The following NKIRAS1 variants were observed in gnomAD, a reference collection of about 807,000 sequenced individuals.
The protein encoded by NKIRAS1 is NF-kappa-B inhibitor-interacting Ras-like protein 1.
In NKIRAS1, 16 loss-of-function variants were observed where a neutral mutation model predicts 19.8. The ratio of observed to expected loss-of-function variants is 0.81; its 90% CI spans 0.55 to 1.23. The LOEUF is 1.23. NKIRAS1 is among the 50% of genes most tolerant of loss of function. NKIRAS1 has a pLI of 0.00. For synonymous variants in NKIRAS1, 88 were observed against 79.0 expected (o/e 1.11, Z -0.61); for missense variants, 184 against 220.0 (o/e 0.84, Z 1.04).
chr3:23,908,345 A>G (rs1703276066), intron 3 of NKIRAS1, among the ~76,000 whole-genome samples: 1 of 152,236 alleles, frequency 6.6e-6, no homozygotes, highest in Non-Finnish European at 1.5e-5. Context: ...GTTAAGTTTT[A>G]GTGAAATACC....
chr3:23,892,459 G>A lies in NKIRAS1; in HGVS notation c.*636C>T, dbSNP rs550253711. 2 of 152,234 alleles carry A rather than the reference G, an allele frequency of 1.3e-5. No individual in the cohort carries two copies. Among genetic ancestry groups the A allele is most frequent in the South Asian group, 4.1e-4 (2 of 4,822 alleles). 9.4% of individuals were successfully genotyped at this position (152,234 alleles called of 1,614,324 possible). A position where few individuals can be genotyped will look rare whatever the true frequency, so the allele number is the denominator to read the frequency against. ...GGTCTATCAACAGGGGTCTGGCTAA[G>A]GAAAAAACGGCCTTAGAGCGTGATG... On this transcript the variant is annotated 3_prime_UTR_variant, in exon 5 of 5. Transcript: ENST00000425478.
At chr3:23,920,301 A>C (rs913822613), upstream of NKIRAS1, 1 of 985,684 alleles carries the variant, frequency 1.0e-6, no homozygotes, top group Non-Finnish European at 1.2e-6. Flanking sequence ...CGTCATTCTT[A>C]GTCCAGTCAG....
At chr3:23,906,110 G>A (rs1703021167) in intron 3 of NKIRAS1, among the ~76,000 whole-genome samples, 1 of 133,494 alleles carries the variant, frequency 7.5e-6, no homozygotes, top group South Asian at 2.5e-4. Flanking sequence ...AGTGAGCCGA[G>A]ATCGTGCCAC....
chr3:23,912,062 C>G (rs952693524), intron 1 of NKIRAS1, among the ~76,000 whole-genome samples: 3 of 149,902 alleles, frequency 2.0e-5, no homozygotes, highest in African/African-American at 4.9e-5. Flanking sequence ...CTGCGCCTGG[C>G]TGTCACGTGG....
chr3:23,941,355 A>G (rs1223231424), intron 1 of NKIRAS1, among the ~76,000 whole-genome samples: 1 of 152,248 alleles, frequency 6.6e-6, no homozygotes, highest in East Asian at 1.9e-4. Context: ...TCATATCTAG[A>G]TGGACCTATC....
intron 4 of NKIRAS1, among the ~76,000 whole-genome samples, chr3:23,899,939 G>A (rs1321038998): frequency 2.0e-5 from 3 of 151,424 alleles, no homozygotes; most frequent in Admixed American, 6.6e-5. Context: ...CGAAGCAGGC[G>A]GATCACAAAG....
chr3:23,910,338 T>C (rs962449176), intron 3 of NKIRAS1, among the ~76,000 whole-genome samples: 6 of 151,130 alleles, frequency 4.0e-5, no homozygotes, highest in African/African-American at 1.2e-4. Flanking sequence ...GTATTTTTAG[T>C]AGAGACAGGT....
At chr3:23,935,183 A>G (rs1434841871) in intron 1 of NKIRAS1, among the ~76,000 whole-genome samples, 2 of 149,874 alleles carry the variant, frequency 1.3e-5, no homozygotes, top group Non-Finnish European at 1.5e-5. Flanking sequence ...CTTTAAAAGA[A>G]TATCAAATTT....
intron 1 of NKIRAS1, among the ~76,000 whole-genome samples, chr3:23,930,687 T>G (rs981874384): frequency 3.3e-5 from 5 of 151,966 alleles, no homozygotes; most frequent in African/African-American, 1.2e-4. Context: ...AAGAAAAAAA[T>G]AAAAGTAATC....
chr3:23,936,742 T>G (rs995994857), intron 1 of NKIRAS1, among the ~76,000 whole-genome samples: 1 of 152,094 alleles, frequency 6.6e-6, no homozygotes, highest in Non-Finnish European at 1.5e-5. Context: ...GAGATGAGAG[T>G]TCACTGTGTT....
At chr3:23,920,394 T>A, upstream of NKIRAS1, 2 of 985,364 alleles carry the variant, frequency 2.0e-6, no homozygotes, top group Non-Finnish European at 2.4e-6. Flanking sequence ...TCCAACCATA[T>A]GTGTTTTCTG....
At chr3:23,903,288 A>T (rs568212532) in intron 3 of NKIRAS1, among the ~76,000 whole-genome samples, 2 of 151,982 alleles carry the variant, frequency 1.3e-5, no homozygotes, top group Non-Finnish European at 2.9e-5. Context: ...TAATTCTTGT[A>T]TTTTTTTGTA....
chr3:23,909,293 G>C (rs370111572), intron 3 of NKIRAS1, among the ~76,000 whole-genome samples: 1 of 152,080 alleles, frequency 6.6e-6, no homozygotes, highest in Admixed American at 6.6e-5. Flanking sequence ...AGGCCGAGGC[G>C]GGGGGATCAC....
intron 1 of NKIRAS1, among the ~76,000 whole-genome samples, chr3:23,934,244 T>A (rs1013564669): frequency 1.3e-5 from 2 of 152,144 alleles, no homozygotes; most frequent in African/African-American, 4.8e-5. Flanking sequence ...CTTTTTTCCA[T>A]AAAGAAAAAC....
upstream of NKIRAS1, chr3:23,921,449 G>A: frequency 1.6e-6 from 1 of 610,176 alleles, no homozygotes; most frequent in Admixed American, 2.9e-5. Context: ...TGATGGGAAA[G>A]CTTTACTCCA....
At chr3:23,945,422 A>C in intron 1 of NKIRAS1, 2 of 219,842 alleles carry the variant, frequency 9.1e-6, no homozygotes, top group Non-Finnish European at 1.6e-5. Context: ...TGTGCGCTGC[A>C]CGGCCTGGGG....
chr3:23,941,765 C>G (rs1705501665), intron 1 of NKIRAS1, among the ~76,000 whole-genome samples: 1 of 152,142 alleles, frequency 6.6e-6, no homozygotes, highest in Non-Finnish European at 1.5e-5. Flanking sequence ...ATAGCCTCTA[C>G]TAGTTACTTG....
At chr3:23,925,645 T>TAAATAAAA (rs1169407152) in intron 1 of NKIRAS1, among the ~76,000 whole-genome samples, 1 of 151,878 alleles carries the variant, frequency 6.6e-6, no homozygotes, top group African/African-American at 2.4e-5. Context: ...AAAAAATAAA[T>TAAATAAAA]AAATAAATAA....
At position 23,890,302 on chromosome 3, in the gene NKIRAS1, A is replaced by G. The variant is rs549090991; in HGVS notation, c.*2793T>C. Among the ~76,000 whole-genome samples, 44 of 152,312 alleles carry G rather than the reference A, an allele frequency of 2.9e-4. 1 individual carries two copies. The South Asian group carries it at 8.3e-3, about 29-fold the overall frequency. On this transcript the variant is annotated 3_prime_UTR_variant, in exon 5 of 5. Transcript: ENST00000425478. The stretch of plus-strand genomic sequence containing the variant: ...AACTAAGATAAAGACAGACCAGTAC[A>G]CTAAAGCCTAAGCATTCCCTCTTCC...
Sources: gnomAD v4.1 joint callset for allele counts (sites outside exome capture counted in the v4.1 genomes callset) on GRCh38, gnomAD v4.1.1 for gene constraint, MANE v1.5 for transcripts, NCBI Gene and HGNC (gene_info 2026-07-23, HGNC 2026-07-21) for gene names.